PRAG1: variants seen among roughly 807,000 people sequenced by gnomAD.
PRAG1 encodes the protein PEAK1 related, kinase-activating pseudokinase 1.
In PRAG1, 110 loss-of-function variants were observed where a neutral mutation model predicts 95.6. That is an observed-to-expected ratio of 1.15 (90% CI 0.99 to 1.35). PRAG1 has a LOEUF of 1.35. PRAG1 is among the 40% of genes most tolerant of loss of function. The pLI is 0.00. For synonymous variants in PRAG1, 1,052 were observed against 819.4 expected, an observed-to-expected ratio of 1.28 and a Z score of -4.85; for missense variants, 2,554 against 1,864.7, an observed-to-expected ratio of 1.37 and a Z score of -6.81.
rs572177610 is a variant in PRAG1 at position 8,318,096 on chromosome 8, C to T, written c.*58G>A. ...CAGGGAGACATGGGTGCTTCCAAGG[C>T]GAGACAGGAAAGGGTTAGGCAGGGA... On this transcript the variant is annotated 3_prime_UTR_variant, in exon 6 of 6. Coordinates refer to ENST00000615670, the MANE Select transcript of PRAG1 (RefSeq NM_001080826.3). This position sits in a 1 kb window ranked among gnomAD's most constrained non-coding sequence, Gnocchi z 4.2. 1.8e-4 allele frequency: 277 copies of T among 1,518,724 alleles called. 3 individuals are homozygous for T. In the South Asian group the frequency reaches 3.3e-3, roughly 18 times the overall value. 94.1% of individuals were successfully genotyped at this position (1,518,724 alleles called of 1,614,324 possible). A position where few individuals can be genotyped will look rare whatever the true frequency, so the allele number is the denominator to read the frequency against.
At chr8:8,344,379 A>T (rs1799266979) in intron 3 of PRAG1, among the ~76,000 whole-genome samples, 1 of 152,216 alleles carries the variant, frequency 6.6e-6, no homozygotes, top group African/African-American at 2.4e-5. Context: ...CAAAAGGCTC[A>T]AGTAAAATGT....
Position 8,329,797 on chromosome 8 carries a change from C to T in PRAG1, c.2321-1336G>A, listed in dbSNP as rs372708628. ...TCAAGACTGGGTCTCTTTATTTCTG[C>T]TGCTCCACAGGGAGGAGGGTCTCTC... On this transcript the variant is annotated intron_variant, in intron 4 of 5. Transcript: ENST00000615670. 1.6e-3 allele frequency among the ~76,000 whole-genome samples: 250 copies of T among 152,342 alleles called. 1 individual carries two copies. The Middle Eastern group carries it at 0.024, about 15-fold the overall frequency.
chr8:8,328,601 TAGAC>T (rs1352571333), intron 4 of PRAG1, 140 bp from the exon 5 acceptor site: 1 of 865,468 alleles, frequency 1.2e-6, no homozygotes, highest in Non-Finnish European at 1.7e-6. Flanking sequence ...ATTTCTCTAA[TAGAC>T]AATATATGCA....
Position 8,328,392 on chromosome 8 carries a change from G to T in PRAG1, c.2390C>A (p.Pro797His). The change falls in exon 5 of 6, where the codon CCT becomes CAT. Residue 797 changes from proline to histidine, a missense_variant. Transcript: ENST00000615670. Reference sequence around the variant, plus strand: ...GGACACGTCCTCAGTGGAGCCTGAAGGAAACGGAACGGGAGCAAAGAGCTT... The same window carrying T: ...GGACACGTCCTCAGTGGAGCCTGAATGAAACGGAACGGGAGCAAAGAGCTT... ...GKKLFAPVPF[P>H]SGSTEDVSPS... 1 of 1,613,790 alleles carries T rather than the reference G, an allele frequency of 6.2e-7. No homozygotes were observed. The highest frequency in any genetic ancestry group is 8.5e-7 in the Non-Finnish European group (1 of 1,180,016).
intron 4 of PRAG1, 39 bp downstream of exon 4, chr8:8,339,439 G>A (rs1405624341): frequency 3.7e-6 from 6 of 1,605,340 alleles, no homozygotes; most frequent in Middle Eastern, 2.0e-4. Flanking sequence ...TGAAGGTCCA[G>A]GAGAATCTAA....
chr8:8,319,013 C>T lies in PRAG1; in HGVS notation c.3362G>A (p.Arg1121His). 1 of 1,613,422 alleles carries T rather than the reference C, an allele frequency of 6.2e-7. No individual in the cohort carries two copies. Among genetic ancestry groups the T allele is most frequent in the Non-Finnish European group, 8.5e-7 (1 of 1,179,804 alleles). ...HQAEPEAYER[R>H]VCFLLLQLCN... is the part of the protein sequence containing the mutation. ...GAGTTGCAGAAGCAGGAAGCACACGCGCCGCTCGTACGCCTCGGGCTCCGC... is the reference window on the plus strand; with the variant it reads ...GAGTTGCAGAAGCAGGAAGCACACGTGCCGCTCGTACGCCTCGGGCTCCGC... The change falls in exon 6 of 6, where the codon CGC becomes CAC. Residue 1121 changes from arginine to histidine, a missense_variant. Transcript: ENST00000615670.
At chr8:8,339,785 T>A in intron 3 of PRAG1, 150 bp from the exon 4 acceptor site, 2 of 707,394 alleles carry the variant, frequency 2.8e-6, no homozygotes, top group Non-Finnish European at 4.5e-6. Flanking sequence ...GGGGAGACAG[T>A]AGAGGTTCTC....
At chr8:8,319,986 G>A (rs28379257) in intron 5 of PRAG1, among the ~76,000 whole-genome samples, 5,870 of 152,280 alleles carry the variant, frequency 0.039, 365 homozygotes, top group African/African-American at 0.13. Context: ...AGACATTGCT[G>A]ATGGGAATGT....
intron 3 of PRAG1, among the ~76,000 whole-genome samples, chr8:8,355,368 CT>C (rs1256244506): frequency 7.9e-5 from 12 of 152,056 alleles, no homozygotes; most frequent in Admixed American, 2.6e-4. Context: ...AATGCAATCT[CT>C]ATCAAAATTC....
At chr8:8,370,681 C>A (rs116241626) in intron 3 of PRAG1, among the ~76,000 whole-genome samples, 2,953 of 152,290 alleles carry the variant, frequency 0.019, 86 homozygotes, top group African/African-American at 0.068. Flanking sequence ...CTCACTCATC[C>A]TATGCCCATC....
chr8:8,343,631 T>G (rs571615297), intron 3 of PRAG1, among the ~76,000 whole-genome samples: 1 of 152,234 alleles, frequency 6.6e-6, no homozygotes, highest in East Asian at 1.9e-4. Context: ...TAAAAATTAC[T>G]GCTCTAGAAT....
chr8:8,339,574 C>T lies in PRAG1; in HGVS notation c.2224G>A (p.Glu742Lys). The T allele has an allele frequency of 6.2e-7, 1 of 1,614,170 alleles. No individual in the cohort carries two copies. Residue 742 changes from glutamate to lysine, a missense_variant, in exon 4 of 6, where the codon GAA becomes AAA. Physicochemically the swap from Glu to Lys is moderately conservative, Grantham distance 56. Coordinates refer to ENST00000615670, the MANE Select transcript of PRAG1 (RefSeq NM_001080826.3). Reference sequence around the variant, plus strand: ...CCCCTGAAGGATGGGCTGAGGCTTTCTGCAGAGCCCTGGCTCACTTTTTCC... The same window carrying T: ...CCCCTGAAGGATGGGCTGAGGCTTTTTGCAGAGCCCTGGCTCACTTTTTCC... Reference protein sequence around the residue: ...DLEKVSQGSAESLSPSFRGVH... With the variant: ...DLEKVSQGSAKSLSPSFRGVH...
intron 4 of PRAG1, among the ~76,000 whole-genome samples, chr8:8,338,255 T>A (rs1282631353): frequency 2.0e-5 from 3 of 152,234 alleles, no homozygotes; most frequent in Non-Finnish European, 4.4e-5. Context: ...TTAGGAACCC[T>A]GCGAGTGGAC....
intron 4 of PRAG1, among the ~76,000 whole-genome samples, chr8:8,332,255 G>A (rs1265224465): frequency 1.3e-5 from 2 of 150,864 alleles, no homozygotes; most frequent in Non-Finnish European, 3.0e-5. Flanking sequence ...TCTGCCTCCT[G>A]GGTTCAAGTG....
At chr8:8,385,445 G>T (rs1186285974) in intron 1 of PRAG1, among the ~76,000 whole-genome samples, 2 of 152,184 alleles carry the variant, frequency 1.3e-5, no homozygotes, top group Non-Finnish European at 2.9e-5. Flanking sequence ...CCTCAGGAGA[G>T]AAAAATAACT....
intron 3 of PRAG1, among the ~76,000 whole-genome samples, chr8:8,354,984 T>C (rs1252760749): frequency 6.6e-6 from 1 of 151,986 alleles, no homozygotes; most frequent in Non-Finnish European, 1.5e-5. Flanking sequence ...AGAAGTAAAA[T>C]TATCCGTATT....
At chr8:8,362,413 G>A (rs1487277209) in intron 3 of PRAG1, among the ~76,000 whole-genome samples, 1 of 152,194 alleles carries the variant, frequency 6.6e-6, no homozygotes, top group Non-Finnish European at 1.5e-5. Context: ...TGTGCACAGA[G>A]TTTACCTGGT....
In PRAG1 at chr8:8,318,499, C is replaced by A. The variant is rs746914730; in HGVS notation, c.3876G>T (p.Ala1292=). Residue 1292 remains alanine, a synonymous_variant, in exon 6 of 6, where the codon GCG becomes GCT. Transcript: ENST00000615670. This position sits in a 1 kb window ranked among gnomAD's most constrained non-coding sequence, Gnocchi z 4.2. ...YRQEDLPPLP[A]LSLYSPGLQQ... is the part of the protein sequence containing the mutation. ...GCAGGCCGGGTGAGTAGAGGGACAG[C>A]GCGGGCAGCGGCGGCAGGTCCTCCT... 3 of 1,612,040 alleles carry A rather than the reference C, an allele frequency of 1.9e-6. No homozygotes were observed. The highest frequency in any genetic ancestry group is 1.7e-5 in the Admixed American group (1 of 59,952).
At chr8:8,375,922 A>G (rs1227157638) in intron 3 of PRAG1, among the ~76,000 whole-genome samples, 1 of 152,172 alleles carries the variant, frequency 6.6e-6, no homozygotes, top group African/African-American at 2.4e-5. Context: ...CCTACTGAAG[A>G]CACTTCAGAG....
Sources: gnomAD v4.1 joint callset for allele counts (sites outside exome capture counted in the v4.1 genomes callset) on GRCh38, gnomAD v4.1.1 for gene constraint, Gnocchi (gnomAD v3.1) non-coding constraint, MANE v1.5 for transcripts, NCBI Gene and HGNC (gene_info 2026-07-23, HGNC 2026-07-21) for gene names.